The following AOAH variants were observed in gnomAD, a reference collection of about 807,000 sequenced individuals.
AOAH encodes the protein acyloxyacyl hydrolase (neutrophil).
Under a neutral mutation model 92.2 loss-of-function variants are expected in AOAH, and 64 were observed. That is an observed-to-expected ratio of 0.69 (90% CI 0.57 to 0.86). AOAH has a LOEUF of 0.86. Among genes scored for constraint, AOAH ranks in the 40% least tolerant of loss-of-function variants. The pLI is 0.00. For missense variants in AOAH, 656 were observed against 694.6 expected, an observed-to-expected ratio of 0.94 and a Z score of 0.62; for synonymous variants, 263 against 254.5, an observed-to-expected ratio of 1.03 and a Z score of -0.32.
chr7:36,642,249 T>C (rs1178416260), intron 4 of AOAH, among the ~76,000 whole-genome samples: 2 of 151,990 alleles, frequency 1.3e-5, no homozygotes, highest in East Asian at 1.9e-4. Context: ...GATAAGGTCA[T>C]ATTGGAGTAG....
chr7:36,693,980 A>G (rs1319913867), intron 1 of AOAH, among the ~76,000 whole-genome samples: 8 of 152,240 alleles, frequency 5.3e-5, no homozygotes, highest in Non-Finnish European at 1.2e-4. Context: ...AATGCCAAAC[A>G]TGTTGGAGTG....
chr7:36,531,954 C>T (rs989783802), intron 18 of AOAH, among the ~76,000 whole-genome samples, 193 bp downstream of exon 18: 2 of 152,106 alleles, frequency 1.3e-5, no homozygotes, highest in South Asian at 2.1e-4. Context: ...AGAGGACAGA[C>T]CCAGAGCAAG....
At chr7:36,519,959 C>T (rs1784027429) in intron 20 of AOAH, among the ~76,000 whole-genome samples, 1 of 152,238 alleles carries the variant, frequency 6.6e-6, no homozygotes, top group African/African-American at 2.4e-5. Flanking sequence ...TTGGATGGCA[C>T]TTTGCCAATC....
intron 5 of AOAH, among the ~76,000 whole-genome samples, chr7:36,633,473 G>A (rs1418577871): frequency 1.3e-5 from 2 of 152,198 alleles, no homozygotes; most frequent in African/African-American, 4.8e-5. Context: ...ACGTCCCCAG[G>A]ATGCACACTA....
intron 15 of AOAH, among the ~76,000 whole-genome samples, chr7:36,545,241 C>A (rs1785727234): frequency 6.6e-6 from 1 of 152,038 alleles, no homozygotes; most frequent in Admixed American, 6.6e-5. Context: ...TCCATATTAC[C>A]CCATGCATAG....
chr7:36,664,174 T>A (rs1163798569), intron 3 of AOAH, among the ~76,000 whole-genome samples: 4 of 152,188 alleles, frequency 2.6e-5, no homozygotes, highest in African/African-American at 9.7e-5. Flanking sequence ...TTATTTGTAC[T>A]ATGTAAAAAG....
At chr7:36,534,142 C>T (rs188647377) in intron 16 of AOAH, among the ~76,000 whole-genome samples, 1 of 152,290 alleles carries the variant, frequency 6.6e-6, no homozygotes, top group East Asian at 1.9e-4. Context: ...TGTCCTGCTC[C>T]TGTGACACTG....
chr7:36,637,797 G>A, intron 5 of AOAH, 54 bp downstream of exon 5: 1 of 1,543,754 alleles, frequency 6.5e-7, no homozygotes, highest in Non-Finnish European at 9.0e-7. Context: ...GCCGGGGCCA[G>A]TGAGAGAGGA....
intron 13 of AOAH, among the ~76,000 whole-genome samples, chr7:36,575,090 T>A (rs1788392787): frequency 6.6e-6 from 1 of 152,154 alleles, no homozygotes; most frequent in African/African-American, 2.4e-5. Context: ...TTTCAGTATG[T>A]CACTAAAGGA....
intron 1 of AOAH, among the ~76,000 whole-genome samples, chr7:36,712,054 A>C (rs1392667783): frequency 6.6e-6 from 1 of 152,252 alleles, no homozygotes; most frequent in Admixed American, 6.5e-5. Context: ...ACAGTGTCTT[A>C]TGAACAAGCG....
At chr7:36,723,533 T>C (rs1324318796) in intron 1 of AOAH, among the ~76,000 whole-genome samples, 1 of 152,164 alleles carries the variant, frequency 6.6e-6, no homozygotes, top group Non-Finnish European at 1.5e-5. Flanking sequence ...ATTTCCATGG[T>C]ATCCCTATGA....
chr7:36,567,182 GC>G (rs1016127197), intron 13 of AOAH, among the ~76,000 whole-genome samples: 4 of 152,086 alleles, frequency 2.6e-5, no homozygotes, highest in African/African-American at 9.7e-5. Context: ...TCTGCCCAAT[GC>G]CCCCAATCGA....
rs1005134254 is a variant in AOAH at position 36,614,093 on chromosome 7, GAGAGGGA to G, written c.846+2280_846+2286del. ...CTCTGGATCAGTTTCAGTTTTCTGG[GAGAGGGA>G]AGAGGGAAGCACATCCATAGGTGGC... On this transcript the variant is annotated intron_variant, in intron 11 of 20. Transcript: ENST00000617537. The surrounding 1 kb of genome is among the most constrained non-coding windows in gnomAD (Gnocchi z 4.2). 3.3e-5 allele frequency among the ~76,000 whole-genome samples: 5 copies of G among 152,330 alleles called. No individual in the cohort carries two copies. Among genetic ancestry groups the G allele is most frequent in the Admixed American group, 1.3e-4 (2 of 15,308 alleles).
chr7:36,537,999 T>C (rs1460787654), intron 16 of AOAH, among the ~76,000 whole-genome samples: 1 of 149,810 alleles, frequency 6.7e-6, no homozygotes, highest in Non-Finnish European at 1.5e-5. Flanking sequence ...TACATACCAT[T>C]CGTACATTCT....
chr7:36,550,732 C>T (rs1226299083), intron 13 of AOAH, among the ~76,000 whole-genome samples: 3 of 152,136 alleles, frequency 2.0e-5, no homozygotes, highest in African/African-American at 4.8e-5. Context: ...CTCGGTGGAC[C>T]GAGTTGGAGA....
intron 1 of AOAH, among the ~76,000 whole-genome samples, chr7:36,699,282 G>A (rs554530749): frequency 1.3e-5 from 2 of 152,102 alleles, no homozygotes; most frequent in Admixed American, 1.3e-4. Context: ...TTCAGATACT[G>A]CTTCAATATA....
chr7:36,518,672 G>A (rs1783953035), intron 20 of AOAH, among the ~76,000 whole-genome samples: 1 of 152,178 alleles, frequency 6.6e-6, no homozygotes, highest in Non-Finnish European at 1.5e-5. Context: ...TCTTTTCCAG[G>A]TATTTTCCTT....
chr7:36,602,508 CA>C (rs1452957186), intron 11 of AOAH, among the ~76,000 whole-genome samples: 4 of 144,096 alleles, frequency 2.8e-5, no homozygotes, highest in Non-Finnish European at 6.0e-5. Flanking sequence ...AGCAAGAAAA[CA>C]AGAGTATAAA....
intron 2 of AOAH, among the ~76,000 whole-genome samples, chr7:36,681,693 C>T (rs183920852): frequency 2.6e-5 from 4 of 152,110 alleles, no homozygotes; most frequent in Non-Finnish European, 4.4e-5. Flanking sequence ...CCCAGCTACT[C>T]GGGAGGCTGA....
Sources: gnomAD v4.1 joint callset for allele counts (sites outside exome capture counted in the v4.1 genomes callset) on GRCh38, gnomAD v4.1.1 for gene constraint, Gnocchi (gnomAD v3.1) non-coding constraint, MANE v1.5 for transcripts, NCBI Gene and HGNC (gene_info 2026-07-23, HGNC 2026-07-21) for gene names.